Variants in ARHGAP44 observed in about 807,000 individuals in gnomAD.
ARHGAP44 encodes the protein rho GTPase-activating protein 44.
Under a neutral mutation model 106.8 loss-of-function variants are expected in ARHGAP44, and 43 were observed. The observed-to-expected ratio is 0.40, with a 90% CI of 0.32 to 0.52. The LOEUF is 0.52. Among genes scored for constraint, ARHGAP44 ranks in the 20% least tolerant of loss-of-function variants. The pLI, the probability that ARHGAP44 is intolerant of heterozygous loss-of-function variation, is 0.48. For synonymous variants in ARHGAP44, 439 were observed against 410.3 expected, an observed-to-expected ratio of 1.07 and a Z score of -0.85; for missense variants, 866 against 1,050.5, an observed-to-expected ratio of 0.82 and a Z score of 2.43.
rs199682151 is a variant in ARHGAP44, at chr17:12,906,960, C to CA, written c.199-1929dup. Among the ~76,000 whole-genome samples the CA allele has an allele frequency of 1.8e-3, 262 of 142,550 alleles. 1 individual carries two copies. The highest frequency in any genetic ancestry group is 3.9e-3 in the African/African-American group (144 of 36,900). 93.5% of individuals were successfully genotyped at this position (142,550 alleles called of 152,430 possible). A position where few individuals can be genotyped will look rare whatever the true frequency, so the allele number is the denominator to read the frequency against. ...GTATCAAAAAACAAAACAAAACAAA[C>CA]AAAAAAAACAGAAAAAAAGGAAAGA... is the stretch of plus-strand genomic sequence containing the variant. On this transcript the variant is annotated intron_variant, in intron 3 of 20. Transcript: ENST00000379672.
intron 3 of ARHGAP44, among the ~76,000 whole-genome samples, chr17:12,907,635 T>C (rs750604224): frequency 3.9e-5 from 6 of 152,268 alleles, no homozygotes; most frequent in Non-Finnish European, 7.3e-5. Context: ...TCATCTGTGT[T>C]GTACCATGCA....
intron 1 of ARHGAP44, among the ~76,000 whole-genome samples, chr17:12,810,989 T>C (rs1314233222): frequency 6.6e-6 from 1 of 152,088 alleles, no homozygotes; most frequent in African/African-American, 2.4e-5. Flanking sequence ...ATTTTTACAA[T>C]AAAGTAATCT....
At chr17:12,864,884 A>G (rs529999071) in intron 1 of ARHGAP44, among the ~76,000 whole-genome samples, 63 of 152,310 alleles carry the variant, frequency 4.1e-4, no homozygotes, top group African/African-American at 1.4e-3. Flanking sequence ...CACTATTCTG[A>G]AAGATGAAGG....
chr17:12,974,701 A>C (rs1489819313), intron 18 of ARHGAP44, among the ~76,000 whole-genome samples: 1 of 152,148 alleles, frequency 6.6e-6, no homozygotes. Flanking sequence ...CAAGCCCTAT[A>C]TATACTGTTA....
At chr17:12,900,290 C>G (rs529332641) in intron 3 of ARHGAP44, among the ~76,000 whole-genome samples, 82 of 152,098 alleles carry the variant, frequency 5.4e-4, no homozygotes, top group African/African-American at 1.9e-3. Context: ...CCTCCACGCC[C>G]AGATAATTTT....
At chr17:12,848,552 T>G (rs1411482937) in intron 1 of ARHGAP44, among the ~76,000 whole-genome samples, 1 of 152,268 alleles carries the variant, frequency 6.6e-6, no homozygotes, top group East Asian at 1.9e-4. Context: ...TGATTTTTTT[T>G]AAAGTCAGAA....
chr17:12,864,766 A>G (rs778572946), intron 1 of ARHGAP44, among the ~76,000 whole-genome samples: 2 of 152,222 alleles, frequency 1.3e-5, no homozygotes, highest in Non-Finnish European at 2.9e-5. Context: ...AAAGATAATT[A>G]GCATGCAAAA....
chr17:12,809,321 A>G (rs1198699072), intron 1 of ARHGAP44, among the ~76,000 whole-genome samples: 2 of 152,170 alleles, frequency 1.3e-5, no homozygotes, highest in African/African-American at 2.4e-5. Flanking sequence ...CCAATTTACT[A>G]TATTAATCTG....
rs147311527 is a variant in ARHGAP44, at chr17:12,886,075, T to A, written c.54-8865T>A. On this transcript the variant is annotated intron_variant, in intron 1 of 20. Transcript: ENST00000379672. Reference sequence around the variant, plus strand: ...CATAGTTTTGCCTATTTATGTATTCTGTAGCAATTTGTTAGACTATCCTTC... The same window carrying A: ...CATAGTTTTGCCTATTTATGTATTCAGTAGCAATTTGTTAGACTATCCTTC... Among the ~76,000 whole-genome samples the A allele has an allele frequency of 6.3e-3, 953 of 152,310 alleles. 5 individuals carry two copies. Among genetic ancestry groups the A allele is most frequent in the African/African-American group, 0.021 (874 of 41,590 alleles).
chr17:12,966,503 G>C lies in ARHGAP44; in HGVS notation c.1524-6799G>C, dbSNP rs2039395126. Among the ~76,000 whole-genome samples, 4 of 152,154 alleles carry C rather than the reference G, an allele frequency of 2.6e-5. No individual in the cohort carries two copies. The South Asian group carries it at 8.3e-4, about 32-fold the overall frequency. ...ACTTCCAGAAAAGCTGGAAAATACC[G>C]AATTCAGGCCTCACTGGGTGTGTGT... On this transcript the variant is annotated intron_variant, in intron 16 of 20. Transcript: ENST00000379672.
intron 1 of ARHGAP44, among the ~76,000 whole-genome samples, chr17:12,841,639 C>CAAAAAAAAAA (rs1331198278): frequency 2.5e-4 from 35 of 137,460 alleles, no homozygotes; most frequent in African/African-American, 9.4e-4. Context: ...CACACACACA[C>CAAAAAAAAAA]AAACAAACAA....
intron 1 of ARHGAP44, among the ~76,000 whole-genome samples, chr17:12,839,935 G>T (rs1404449987): frequency 6.6e-6 from 1 of 152,062 alleles, no homozygotes; most frequent in Non-Finnish European, 1.5e-5. Context: ...AGAAATAACC[G>T]CCATTCACAC....
chr17:12,831,625 G>C (rs907978133), intron 1 of ARHGAP44, among the ~76,000 whole-genome samples: 27 of 152,138 alleles, frequency 1.8e-4, no homozygotes, highest in African/African-American at 6.5e-4. Flanking sequence ...CCCTCCCATC[G>C]AGGCCCTGTT....
chr17:12,811,814 C>T (rs2034449160), intron 1 of ARHGAP44, among the ~76,000 whole-genome samples: 1 of 152,218 alleles, frequency 6.6e-6, no homozygotes, highest in Non-Finnish European at 1.5e-5. Context: ...CCTCCAGTAT[C>T]TGCCCCTGTC....
At chr17:12,931,977 A>G (rs2038417302) in intron 7 of ARHGAP44, among the ~76,000 whole-genome samples, 1 of 152,148 alleles carries the variant, frequency 6.6e-6, no homozygotes, top group Non-Finnish European at 1.5e-5. Flanking sequence ...TACAATAAAT[A>G]TATACTTATA....
intron 1 of ARHGAP44, among the ~76,000 whole-genome samples, chr17:12,802,762 T>G (rs1333177981): frequency 1.1e-4 from 15 of 135,936 alleles, no homozygotes; most frequent in African/African-American, 4.3e-4. Context: ...TCTTTTTTTT[T>G]TTTTTTTTTT....
Position 12,850,880 on chromosome 17 carries a change from T to A in ARHGAP44, c.54-44060T>A, listed in dbSNP as rs143971659. On this transcript the variant is annotated intron_variant, in intron 1 of 20. Coordinates refer to ENST00000379672, the MANE Select transcript of ARHGAP44 (RefSeq NM_014859.6). ...GGACCTGGCTGAGGATAGAAGCCTCTTGGAATCACTGAGTGTCATGCATAT... is the reference window on the plus strand; with the variant it reads ...GGACCTGGCTGAGGATAGAAGCCTCATGGAATCACTGAGTGTCATGCATAT... 2.1e-3 allele frequency among the ~76,000 whole-genome samples: 326 copies of A among 152,304 alleles called. 6 individuals carry two copies. In the South Asian group the frequency reaches 0.031, roughly 14 times the overall value.
At chr17:12,869,267 G>A (rs7218950) in intron 1 of ARHGAP44, among the ~76,000 whole-genome samples, 136,840 of 152,124 alleles carry the variant, frequency 0.9, 61,683 homozygotes, top group Non-Finnish European at 0.92. Context: ...GGTAACATTT[G>A]GAGAGAATCT....
chr17:12,887,387 C>T lies in ARHGAP44; in HGVS notation c.54-7553C>T, dbSNP rs546954904. On this transcript the variant is annotated intron_variant, in intron 1 of 20. Transcript: ENST00000379672. ...AGGACTACAGGCATGTACTACCATG[C>T]CTGGCTAATTTTTTCTCTCTCTCCT... is the stretch of plus-strand genomic sequence containing the variant. 3.3e-5 allele frequency among the ~76,000 whole-genome samples: 5 copies of T among 152,068 alleles called. No homozygotes were observed. The South Asian group carries it at 1.0e-3, about 32-fold the overall frequency.
Sources: allele counts gnomAD v4.1 joint callset (sites outside exome capture counted in the v4.1 genomes callset), GRCh38; gene constraint gnomAD v4.1.1; transcripts MANE v1.5; gene names NCBI Gene and HGNC (gene_info 2026-07-23, HGNC 2026-07-21).